The following GRB10 variants were observed in gnomAD, a reference collection of about 807,000 sequenced individuals.
GRB10 encodes growth factor receptor bound protein 10, also known as growth factor receptor-bound protein 10.
A neutral mutation model predicts 80.9 loss-of-function variants in GRB10; 20 were observed. The observed-to-expected ratio is 0.25, with a 90% CI of 0.17 to 0.36. The LOEUF is 0.36. Ranked by LOEUF, GRB10 falls within the 10% of genes least tolerant of loss-of-function variation. The probability of loss-of-function intolerance (pLI) is 1.00; values close to 1 mark genes in which losing one functional copy is unlikely to be tolerated. For missense variants in GRB10, 548 were observed against 747.7 expected (o/e 0.73, Z 3.12); for synonymous variants, 291 against 291.5 (o/e 1.00, Z 0.02).
intron 4 of GRB10, chr7:50,710,978 A>C: frequency 7.4e-7 from 1 of 1,347,850 alleles, no homozygotes; most frequent in Admixed American, 1.7e-5. Flanking sequence ...CCTGTGCACA[A>C]TATTTTCAGA....
At chr7:50,793,125 A>G (rs1024103441) in intron 1 of GRB10, 1 of 141,728 alleles carries the variant, frequency 7.1e-6, no homozygotes, top group Non-Finnish European at 1.6e-5. Flanking sequence ...CCCAGCGCTC[A>G]GACAATGACG....
intron 2 of GRB10, among the ~76,000 whole-genome samples, chr7:50,778,403 G>A (rs1251012964): frequency 6.6e-6 from 1 of 152,180 alleles, no homozygotes; most frequent in Admixed American, 6.5e-5. Context: ...AAGTCCCATG[G>A]AGCCCATCAA....
chr7:50,667,046 A>AAC (rs1246745958), intron 7 of GRB10, among the ~76,000 whole-genome samples: 3 of 150,934 alleles, frequency 2.0e-5, no homozygotes, highest in African/African-American at 7.3e-5. Flanking sequence ...CTGTCTCAAA[A>AAC]AAAAAAAAAA....
chr7:50,661,604 C>A (rs923159210), intron 7 of GRB10, among the ~76,000 whole-genome samples: 1 of 152,112 alleles, frequency 6.6e-6, no homozygotes, highest in Admixed American at 6.5e-5. Context: ...CTGGGGACAC[C>A]CCGCCCTCTT....
intron 4 of GRB10, among the ~76,000 whole-genome samples, chr7:50,723,262 G>T (rs183401171): frequency 6.6e-6 from 1 of 152,204 alleles, no homozygotes; most frequent in African/African-American, 2.4e-5. Flanking sequence ...AGAGGGGTCA[G>T]GTGTTTCCTT....
chr7:50,711,877 C>T (rs1034224826), intron 4 of GRB10, among the ~76,000 whole-genome samples: 30 of 152,226 alleles, frequency 2.0e-4, no homozygotes, highest in African/African-American at 6.7e-4. Context: ...CACTTAAATC[C>T]TGTCTCTAAT....
intron 7 of GRB10, among the ~76,000 whole-genome samples, chr7:50,665,805 T>G (rs2153632965): frequency 6.6e-6 from 1 of 152,324 alleles, no homozygotes; most frequent in East Asian, 1.9e-4. Flanking sequence ...ATGAGTGGGC[T>G]GTCAGACGGT....
Position 50,665,303 on chromosome 7 carries a change from T to C in GRB10, c.504+4419A>G, listed in dbSNP as rs75336808. ...CAACCTCAGGTAAACGCAAGACCAA[T>C]AGACTCTGGCTTAAATATTAACAAG... On this transcript the variant is annotated intron_variant, in intron 7 of 18. Coordinates refer to ENST00000401949, the MANE Select transcript of GRB10 (RefSeq NM_001350814.2). 2.8e-3 allele frequency among the ~76,000 whole-genome samples: 431 copies of C among 152,368 alleles called. 4 individuals are homozygous for C. The highest frequency in any genetic ancestry group is 9.9e-3 in the African/African-American group (413 of 41,586).
intron 7 of GRB10, among the ~76,000 whole-genome samples, chr7:50,633,747 A>T (rs2529389): frequency 6.6e-6 from 1 of 151,866 alleles, no homozygotes; most frequent in Non-Finnish European, 1.5e-5. Context: ...AAAGTTCACT[A>T]AAGGAATTTC....
At chr7:50,791,771 AAAT>A (rs1216734913) in intron 1 of GRB10, among the ~76,000 whole-genome samples, 2 of 152,216 alleles carry the variant, frequency 1.3e-5, no homozygotes, top group Non-Finnish European at 2.9e-5. Context: ...AGTAAAACTC[AAAT>A]ATTACATGCA....
intron 2 of GRB10, among the ~76,000 whole-genome samples, chr7:50,768,057 C>G (rs2076545396): frequency 6.6e-6 from 1 of 152,150 alleles, no homozygotes; most frequent in South Asian, 2.1e-4. Context: ...ACCTACCCAG[C>G]AGCCCTATGG....
chr7:50,785,606 A>C (rs2078660841), upstream of GRB10, among the ~76,000 whole-genome samples: 1 of 152,214 alleles, frequency 6.6e-6, no homozygotes, highest in African/African-American at 2.4e-5. Flanking sequence ...CCACATGTGG[A>C]ACCATTGGCT....
intron 7 of GRB10, among the ~76,000 whole-genome samples, chr7:50,650,228 C>A (rs1231972203): frequency 6.6e-6 from 1 of 152,196 alleles, no homozygotes; most frequent in East Asian, 1.9e-4. Flanking sequence ...TGAGATGCCA[C>A]CCCCAACTGG....
intron 7 of GRB10, among the ~76,000 whole-genome samples, chr7:50,635,113 T>C (rs1240498844): frequency 2.6e-5 from 4 of 152,218 alleles, no homozygotes; most frequent in African/African-American, 9.6e-5. Context: ...TCAAACAAAA[T>C]TGACCAGATG....
At chr7:50,784,420 C>T (rs940840551), upstream of GRB10, among the ~76,000 whole-genome samples, 52 of 152,306 alleles carry the variant, frequency 3.4e-4, no homozygotes, top group African/African-American at 1.3e-3. Context: ...TCGAGTGTTC[C>T]TCTGCCTCCC....
chr7:50,614,313 C>A (rs2050136915), intron 12 of GRB10, among the ~76,000 whole-genome samples: 1 of 152,300 alleles, frequency 6.6e-6, no homozygotes, highest in South Asian at 2.1e-4. Flanking sequence ...CCAGCACACA[C>A]ATGCATGCAG....
chr7:50,592,913 T>C lies in GRB10; in HGVS notation c.*39A>G, dbSNP rs2045978368. 1.2e-6 allele frequency: 2 copies of C among 1,611,676 alleles called. No individual in the cohort carries two copies. Among genetic ancestry groups the C allele is most frequent in the Non-Finnish European group, 1.7e-6 (2 of 1,177,940 alleles). On this transcript the variant is annotated 3_prime_UTR_variant, in exon 19 of 19. Transcript: ENST00000401949. ...CACAGACCGCTTCTTCACTCCAGTG[T>C]TCACTTCCTCCAGTCTTCAGCCGAG...
intron 1 of GRB10, among the ~76,000 whole-genome samples, chr7:50,788,164 A>G (rs1159899811): frequency 6.6e-6 from 1 of 152,254 alleles, no homozygotes; most frequent in Admixed American, 6.5e-5. Flanking sequence ...GTGGTATTAT[A>G]AAGGTTTTTA....
At chr7:50,648,854 G>A (rs1218827716) in intron 7 of GRB10, among the ~76,000 whole-genome samples, 2 of 152,172 alleles carry the variant, frequency 1.3e-5, no homozygotes, top group Non-Finnish European at 2.9e-5. Flanking sequence ...ACTAGGAGAG[G>A]ACAAAGTAAA....
Sources: allele counts gnomAD v4.1 joint callset (sites outside exome capture counted in the v4.1 genomes callset), GRCh38; gene constraint gnomAD v4.1.1; transcripts MANE v1.5; gene names NCBI Gene and HGNC (gene_info 2026-07-23, HGNC 2026-07-21).